DIAPH3: variants seen among roughly 807,000 people sequenced by gnomAD.
The protein encoded by DIAPH3 is protein diaphanous homolog 3.
Under a neutral mutation model 144.3 loss-of-function variants are expected in DIAPH3, and 117 were observed. The ratio of observed to expected loss-of-function variants is 0.81; its 90% CI spans 0.70 to 0.95. The LOEUF (loss-of-function observed/expected upper bound fraction) is 0.95, where lower values mean the gene tolerates loss of function less well. Ranked by LOEUF, DIAPH3 falls within the 40% of genes least tolerant of loss-of-function variation. The pLI is 0.00. For synonymous variants in DIAPH3, 519 were observed against 488.9 expected, an observed-to-expected ratio of 1.06 and a Z score of -0.81; for missense variants, 1,421 against 1,412.7, an observed-to-expected ratio of 1.01 and a Z score of -0.09.
chr13:60,055,975 T>C (rs2056544243), intron 4 of DIAPH3, among the ~76,000 whole-genome samples: 1 of 151,712 alleles, frequency 6.6e-6, no homozygotes, highest in South Asian at 2.1e-4. Flanking sequence ...TGGAAATATG[T>C]TAATGTTTCA....
chr13:59,895,204 A>C (rs1330737736), intron 20 of DIAPH3, among the ~76,000 whole-genome samples: 2 of 152,190 alleles, frequency 1.3e-5, no homozygotes, highest in Non-Finnish European at 2.9e-5. Flanking sequence ...TTGGACAAAT[A>C]TAGTAAATCA....
chr13:60,033,726 G>A (rs2054980390), intron 5 of DIAPH3, among the ~76,000 whole-genome samples: 1 of 152,146 alleles, frequency 6.6e-6, no homozygotes, highest in African/African-American at 2.4e-5. Context: ...CAGGAGATCT[G>A]AGCAAGAATA....
chr13:60,163,499 G>T, intron 1 of DIAPH3, 88 bp downstream of exon 1: 3 of 1,525,446 alleles, frequency 2.0e-6, no homozygotes, highest in Non-Finnish European at 2.7e-6. Flanking sequence ...AATAAAACTT[G>T]GTCCCCAAGT....
intron 20 of DIAPH3, among the ~76,000 whole-genome samples, chr13:59,897,825 T>C (rs914528755): frequency 6.8e-6 from 1 of 146,268 alleles, no homozygotes; most frequent in Non-Finnish European, 1.5e-5. Context: ...AAGAAAAAAG[T>C]GTAAAATAAA....
At chr13:59,884,777 G>T (rs780245940) in intron 20 of DIAPH3, among the ~76,000 whole-genome samples, 3 of 63,184 alleles carry the variant, frequency 4.7e-5, no homozygotes, top group South Asian at 1.3e-3. Context: ...TTGGAGAAAG[G>T]CTTCAAAAAA....
intron 18 of DIAPH3, among the ~76,000 whole-genome samples, chr13:59,916,747 T>C (rs2047242590): frequency 6.6e-6 from 1 of 152,158 alleles, no homozygotes; most frequent in South Asian, 2.1e-4. Context: ...CAAGTAATAG[T>C]AGCACTTCAC....
At chr13:59,953,173 C>T (rs974625645) in intron 17 of DIAPH3, among the ~76,000 whole-genome samples, 1 of 151,986 alleles carries the variant, frequency 6.6e-6, no homozygotes, top group Non-Finnish European at 1.5e-5. Flanking sequence ...TGGTAAGGGG[C>T]TCATGGAGCA....
At chr13:59,680,320 T>A (rs2032871422) in intron 27 of DIAPH3, among the ~76,000 whole-genome samples, 1 of 152,222 alleles carries the variant, frequency 6.6e-6, no homozygotes, top group African/African-American at 2.4e-5. Flanking sequence ...TGAGAGCTTG[T>A]TATGAACTTT....
At position 59,833,134 on chromosome 13, in the gene DIAPH3, G is replaced by A; in HGVS notation, c.3000C>T (p.Asp1000=). The change falls in exon 24 of 28, where the codon GAC becomes GAT. Residue 1000 remains aspartate (D), a synonymous_variant. Coordinates refer to ENST00000400324, the MANE Select transcript of DIAPH3 (RefSeq NM_001042517.2). ...KKVSVEDFLT[D]LNNFRTTFMQ... ...TGAATGTGGTTCTGAAGTTATTCAGGTCAGTAAGAAAGTCTTCCACAGACA... is the reference window on the plus strand; with the variant it reads ...TGAATGTGGTTCTGAAGTTATTCAGATCAGTAAGAAAGTCTTCCACAGACA... 6.2e-7 allele frequency: 1 copy of A among 1,610,250 alleles called. No homozygotes were observed. Among genetic ancestry groups the A allele is most frequent in the African/African-American group, 1.3e-5 (1 of 74,850 alleles).
chr13:59,813,717 G>A (rs1177495241), intron 24 of DIAPH3, among the ~76,000 whole-genome samples: 1 of 151,962 alleles, frequency 6.6e-6, no homozygotes, highest in African/African-American at 2.4e-5. Flanking sequence ...AGCTGGGTGT[G>A]GTGGCACACA....
At chr13:60,088,354 G>A (rs1029570088) in intron 4 of DIAPH3, among the ~76,000 whole-genome samples, 1 of 152,072 alleles carries the variant, frequency 6.6e-6, no homozygotes, top group African/African-American at 2.4e-5. Context: ...CAAAGGACCA[G>A]ACATCTTTTT....
intron 3 of DIAPH3, among the ~76,000 whole-genome samples, chr13:60,102,168 G>A (rs929395639): frequency 3.9e-5 from 6 of 152,012 alleles, no homozygotes; most frequent in Admixed American, 2.6e-4. Flanking sequence ...ATTTATGCTC[G>A]AGATCCCTTT....
chr13:60,083,650 A>G (rs1053724924), intron 4 of DIAPH3, among the ~76,000 whole-genome samples: 2 of 152,100 alleles, frequency 1.3e-5, no homozygotes, highest in African/African-American at 4.8e-5. Flanking sequence ...TTTAAAATAT[A>G]AGCAACAGTA....
chr13:59,971,760 A>C (rs745356544), intron 15 of DIAPH3, among the ~76,000 whole-genome samples: 33 of 152,280 alleles, frequency 2.2e-4, no homozygotes, highest in Non-Finnish European at 3.7e-4. Flanking sequence ...AGTCCCTGCT[A>C]TCTGGTCTTG....
chr13:59,730,526 A>G (rs989255024), intron 27 of DIAPH3, among the ~76,000 whole-genome samples: 1 of 152,266 alleles, frequency 6.6e-6, no homozygotes, highest in African/African-American at 2.4e-5. Flanking sequence ...TAAGTCTGCT[A>G]TTTTTTTGCT....
At chr13:59,877,927 T>A (rs1479709215) in intron 21 of DIAPH3, among the ~76,000 whole-genome samples, 1 of 152,092 alleles carries the variant, frequency 6.6e-6, no homozygotes, top group African/African-American at 2.4e-5. Flanking sequence ...CAGCTTAAAT[T>A]CCCATTTCTC....
At chr13:59,824,825 C>T (rs1376496074) in intron 24 of DIAPH3, among the ~76,000 whole-genome samples, 17 of 151,984 alleles carry the variant, frequency 1.1e-4, no homozygotes, top group Admixed American at 1.1e-3. Flanking sequence ...GTGGGATTTC[C>T]AGATATTCAA....
intron 20 of DIAPH3, among the ~76,000 whole-genome samples, chr13:59,888,644 A>C (rs913558371): frequency 6.6e-6 from 1 of 152,150 alleles, no homozygotes; most frequent in Admixed American, 6.6e-5. Context: ...TCAAAAAATC[A>C]TAAGAAAAAA....
chr13:60,025,544 G>A (rs537907083), intron 5 of DIAPH3, among the ~76,000 whole-genome samples: 1 of 151,020 alleles, frequency 6.6e-6, no homozygotes, highest in South Asian at 2.1e-4. Flanking sequence ...GGTAAGAGGA[G>A]AACCAAGTAA....
Sources: gnomAD v4.1 joint callset for allele counts (sites outside exome capture counted in the v4.1 genomes callset) on GRCh38, gnomAD v4.1.1 for gene constraint, MANE v1.5 for transcripts, NCBI Gene and HGNC (gene_info 2026-07-23, HGNC 2026-07-21) for gene names.